Variants in SLCO4C1 observed in about 807,000 individuals in gnomAD.
SLCO4C1 encodes solute carrier organic anion transporter family member 4C1.
In SLCO4C1, 58 loss-of-function variants were observed where a neutral mutation model predicts 72.1. The observed-to-expected ratio is 0.80, with a 90% CI of 0.65 to 1.00. SLCO4C1 has a LOEUF of 1.00. Among genes scored for constraint, SLCO4C1 ranks in the 50% least tolerant of loss-of-function variants. The pLI, the probability that SLCO4C1 is intolerant of heterozygous loss-of-function variation, is 0.00. For missense variants in SLCO4C1, 898 were observed against 857.9 expected (o/e 1.05, Z -0.58); for synonymous variants, 297 against 312.5 (o/e 0.95, Z 0.52).
chr5:102,294,665 T>C (rs1749615202), intron 1 of SLCO4C1, among the ~76,000 whole-genome samples: 1 of 152,276 alleles, frequency 6.6e-6, no homozygotes, highest in South Asian at 2.1e-4. Context: ...AGGGGAACTT[T>C]GGTAGGGACA....
Position 102,237,025 on chromosome 5 carries a change from GA to G in SLCO4C1, c.2015-8del, listed in dbSNP as rs553799669. 1.6e-3 allele frequency: 2,329 copies of G among 1,474,000 alleles called. 9 individuals are homozygous for G. The highest frequency in any genetic ancestry group is 0.013 in the African/African-American group (901 of 68,734). 91.3% of individuals were successfully genotyped at this position (1,474,000 alleles called of 1,614,324 possible). A position where few individuals can be genotyped will look rare whatever the true frequency, so the allele number is the denominator to read the frequency against. ...ATAACTTTACAAGTAACACCTAAGT[GA>G]AAAAAAAAATTAATCATGTGCTTTT... is the stretch of plus-strand genomic sequence containing the variant. On this transcript the variant is annotated splice_polypyrimidine_tract_variant and splice_region_variant and intron_variant, in intron 12 of 12. Transcript: ENST00000310954.
chr5:102,281,262 C>T (rs1188328155), intron 2 of SLCO4C1, among the ~76,000 whole-genome samples: 1 of 152,058 alleles, frequency 6.6e-6, no homozygotes, highest in Non-Finnish European at 1.5e-5. Context: ...AAAAATCAAA[C>T]TTTAAACCTC....
rs1748421375 is a variant in SLCO4C1, at chr5:102,235,805, C to T, written c.*1053G>A. Reference sequence around the variant, plus strand: ...GAGGTGGAGCAGTTTCATCTCAAAACCATACCTTCTTCCCCCATGGAAAAA... The same window carrying T: ...GAGGTGGAGCAGTTTCATCTCAAAATCATACCTTCTTCCCCCATGGAAAAA... On this transcript the variant is annotated 3_prime_UTR_variant, in exon 13 of 13. Coordinates refer to ENST00000310954, the MANE Select transcript of SLCO4C1 (RefSeq NM_180991.5). 6.6e-6 allele frequency: 1 copy of T among 152,230 alleles called. No individual in the cohort carries two copies. Among genetic ancestry groups the T allele is most frequent in the Non-Finnish European group, 1.5e-5 (1 of 68,046 alleles). The allele number at this position is 152,230 out of a possible 1,614,324, so 9.4% of individuals were successfully genotyped here.
At chr5:102,262,153 A>G (rs563272140) in intron 4 of SLCO4C1, 120 bp from the exon 5 acceptor site, 62 of 674,358 alleles carry the variant, frequency 9.2e-5, no homozygotes, top group Non-Finnish European at 1.3e-4. Context: ...ATAATATCCA[A>G]CAGTTTAATG....
Position 102,257,977 on chromosome 5 carries a change from GAATTGATTTTCTATA to G in SLCO4C1, c.1224_1238del (p.Ile409_Phe413del). ...TAGCTGCGAAGCTGGATGTCAATCC[GAATTGATTTTCTATA>G]AATTTAGGTAAAAATGTAGCAAATC... On this transcript the variant is annotated inframe_deletion, in exon 7 of 13. Transcript: ENST00000310954. The G allele has an allele frequency of 6.2e-7, 1 of 1,606,336 alleles. No individual in the cohort carries two copies. The highest frequency in any genetic ancestry group is 8.5e-7 in the Non-Finnish European group (1 of 1,177,520).
chr5:102,270,634 A>G lies in SLCO4C1; in HGVS notation c.792T>C (p.Ser264=), dbSNP rs1749132318. The G allele has an allele frequency of 6.2e-7, 1 of 1,609,928 alleles. No homozygotes were observed. The highest frequency in any genetic ancestry group is 1.1e-5 in the South Asian group (1 of 90,300). ...LDDSVPTHKS[S]LYIGTGYAMS... is the part of the protein sequence containing the mutation. ...AGAGAGTAAACTTACCTATATAGAG[A>G]GAAGACTTGTGTGTGGGCACAGAAT... The change falls in exon 3 of 13, where the codon TCT becomes TCC. Residue 264 remains serine (S), a synonymous_variant. Coordinates refer to ENST00000310954, the MANE Select transcript of SLCO4C1 (RefSeq NM_180991.5).
At chr5:102,277,690 G>A (rs1749271408) in intron 2 of SLCO4C1, among the ~76,000 whole-genome samples, 1 of 151,926 alleles carries the variant, frequency 6.6e-6, no homozygotes, top group African/African-American at 2.4e-5. Context: ...GATGCCACTC[G>A]GCAAATAAGG....
intron 2 of SLCO4C1, among the ~76,000 whole-genome samples, chr5:102,281,317 T>C (rs1749352384): frequency 6.6e-6 from 1 of 152,054 alleles, no homozygotes; most frequent in South Asian, 2.1e-4. Context: ...CAGACTTAAA[T>C]GTAAAATAGA....
intron 6 of SLCO4C1, among the ~76,000 whole-genome samples, chr5:102,259,331 T>C (rs911374571): frequency 3.3e-5 from 5 of 151,924 alleles, no homozygotes; most frequent in Non-Finnish European, 5.9e-5. Flanking sequence ...TATATGGTAA[T>C]GTAAATTAAA....
At chr5:102,275,879 A>G (rs1749238004) in intron 2 of SLCO4C1, among the ~76,000 whole-genome samples, 1 of 152,184 alleles carries the variant, frequency 6.6e-6, no homozygotes. Flanking sequence ...CTTTTGAAAA[A>G]GACTGGTTAG....
chr5:102,281,844 G>T (rs1372016968), intron 2 of SLCO4C1, among the ~76,000 whole-genome samples: 1 of 152,064 alleles, frequency 6.6e-6, no homozygotes, highest in Non-Finnish European at 1.5e-5. Flanking sequence ...AAAACAGTTT[G>T]GCAGTTTCTC....
intron 2 of SLCO4C1, among the ~76,000 whole-genome samples, chr5:102,274,811 T>C (rs1390746122): frequency 6.6e-6 from 1 of 152,046 alleles, no homozygotes; most frequent in East Asian, 1.9e-4. Flanking sequence ...TCACTCCTCA[T>C]CTCCTAACCT....
chr5:102,282,105 A>G (rs1490118921), intron 2 of SLCO4C1, among the ~76,000 whole-genome samples: 1 of 152,118 alleles, frequency 6.6e-6, no homozygotes, highest in Non-Finnish European at 1.5e-5. Flanking sequence ...GTACAACAAC[A>G]TGATGAGTAT....
At chr5:102,263,837 T>C (rs765578783) in intron 3 of SLCO4C1, 57 bp from the exon 4 acceptor site, 143 of 1,304,998 alleles carry the variant, frequency 1.1e-4, no homozygotes, top group South Asian at 1.1e-3. Context: ...ACTTTGCATA[T>C]CTAACAGTGA....
Position 102,244,001 on chromosome 5 carries a change from A to G in SLCO4C1, c.1812-3219T>C, listed in dbSNP as rs146451832. 4.4e-3 allele frequency among the ~76,000 whole-genome samples: 673 copies of G among 152,256 alleles called. 4 individuals carry two copies. The highest frequency in any genetic ancestry group is 0.015 in the African/African-American group (640 of 41,556). ...AGGAGTTTGAGACTCAGCCTGGCCA[A>G]CATAGTGAAACCCTGTCTCTACCAA... On this transcript the variant is annotated intron_variant, in intron 10 of 12. Coordinates refer to ENST00000310954, the MANE Select transcript of SLCO4C1 (RefSeq NM_180991.5).
chr5:102,239,198 T>TC lies in SLCO4C1; in HGVS notation c.2014+52_2014+53insG, dbSNP rs1748491623. Reference sequence around the variant, plus strand: ...CCTAAGTAACCAACAATGAGATTTTTTTTTTTTTACATCCTTAGTTTACTC... The same window carrying TC: ...CCTAAGTAACCAACAATGAGATTTTTCTTTTTTTTACATCCTTAGTTTACTC... On this transcript the variant is annotated intron_variant, in intron 12 of 12. Coordinates refer to ENST00000310954, the MANE Select transcript of SLCO4C1 (RefSeq NM_180991.5). 6.8e-6 allele frequency: 10 copies of TC among 1,467,248 alleles called. 1 individual carries two copies. The highest frequency in any genetic ancestry group is 1.9e-4 in the Middle Eastern group (1 of 5,374). 90.9% of individuals were successfully genotyped at this position (1,467,248 alleles called of 1,614,324 possible).
chr5:102,266,894 T>C (rs1338172597), intron 3 of SLCO4C1, among the ~76,000 whole-genome samples: 1 of 152,196 alleles, frequency 6.6e-6, no homozygotes, highest in East Asian at 1.9e-4. Context: ...TCATGTGATA[T>C]TTGTCCTTCA....
intron 10 of SLCO4C1, among the ~76,000 whole-genome samples, chr5:102,241,662 T>C (rs1264926693): frequency 6.6e-6 from 1 of 152,138 alleles, no homozygotes; most frequent in African/African-American, 2.4e-5. Flanking sequence ...TTAAAATATT[T>C]ATCCTACATC....
At chr5:102,295,599 A>G (rs116293535) in intron 1 of SLCO4C1, among the ~76,000 whole-genome samples, 3,924 of 152,334 alleles carry the variant, frequency 0.026, 182 homozygotes, top group African/African-American at 0.09. Context: ...ACCTTTCCCA[A>G]AGGAAGGTTC....
Sources: allele counts gnomAD v4.1 joint callset (sites outside exome capture counted in the v4.1 genomes callset), GRCh38; gene constraint gnomAD v4.1.1; transcripts MANE v1.5; gene names NCBI Gene and HGNC (gene_info 2026-07-23, HGNC 2026-07-21).